Variants in DENND2A observed in about 807,000 individuals in gnomAD.
DENND2A encodes DENN domain containing 2A.
Under a neutral mutation model 105.3 loss-of-function variants are expected in DENND2A, and 53 were observed. That is an observed-to-expected ratio of 0.50 (90% CI 0.40 to 0.63). The LOEUF (loss-of-function observed/expected upper bound fraction) is 0.63, where lower values mean the gene tolerates loss of function less well. DENND2A is among the 30% of genes least tolerant of loss of function. The probability of loss-of-function intolerance (pLI) is 0.00; values close to 1 mark genes in which losing one functional copy is unlikely to be tolerated. For synonymous variants in DENND2A, 522 were observed against 508.4 expected, an observed-to-expected ratio of 1.03 and a Z score of -0.36; for missense variants, 1,138 against 1,279.6, an observed-to-expected ratio of 0.89 and a Z score of 1.69.
intron 3 of DENND2A, among the ~76,000 whole-genome samples, chr7:140,591,441 A>G (rs1464497739): frequency 6.6e-6 from 1 of 152,202 alleles, no homozygotes; most frequent in Non-Finnish European, 1.5e-5. Context: ...CCTATGCAGG[A>G]AGTCTGAAAG....
chr7:140,609,120 G>C (rs1449243011), intron 1 of DENND2A, among the ~76,000 whole-genome samples: 1 of 152,166 alleles, frequency 6.6e-6, no homozygotes, highest in Non-Finnish European at 1.5e-5. Context: ...TATTCCAAGA[G>C]AGATAATGGT....
At chr7:140,536,644 G>A (rs1042745951) in intron 14 of DENND2A, among the ~76,000 whole-genome samples, 5 of 152,106 alleles carry the variant, frequency 3.3e-5, no homozygotes, top group African/African-American at 1.2e-4. Flanking sequence ...CATTTAATCA[G>A]GCTGTACAAT....
At position 140,601,879 on chromosome 7, in the gene DENND2A, C is replaced by A; in HGVS notation, c.519G>T (p.Gly173=). 1 of 1,614,194 alleles carries A rather than the reference C, an allele frequency of 6.2e-7. No homozygotes were observed. Among genetic ancestry groups the A allele is most frequent in the Non-Finnish European group, 8.5e-7 (1 of 1,180,032 alleles). The change falls in exon 3 of 20, where the codon GGG becomes GGT. Residue 173 remains glycine, a synonymous_variant. Transcript: ENST00000496613. ...GTAACTGGGGATCCAGCCCTGCCGACCCATCCTTCAAAGCCTGCTCGAGTT... is the reference window on the plus strand; with the variant it reads ...GTAACTGGGGATCCAGCCCTGCCGAACCATCCTTCAAAGCCTGCTCGAGTT... ...VKKLEQALKD[G]SAGLDPQLPG...
At chr7:140,549,267 A>AT (rs368879127) in intron 12 of DENND2A, among the ~76,000 whole-genome samples, 2,553 of 147,948 alleles carry the variant, frequency 0.017, 53 homozygotes, top group African/African-American at 0.047. Flanking sequence ...CAAAATACAC[A>AT]TTTTTTTTTT....
At chr7:140,525,871 T>C (rs1218511408) in intron 15 of DENND2A, 79 bp from the exon 16 acceptor site, 14 of 1,278,546 alleles carry the variant, frequency 1.1e-5, no homozygotes, top group Admixed American at 2.6e-5. Flanking sequence ...TTCTTCCTTC[T>C]TGGCATGCAG....
At chr7:140,560,709 A>G (rs750452625) in intron 9 of DENND2A, among the ~76,000 whole-genome samples, 4 of 152,210 alleles carry the variant, frequency 2.6e-5, no homozygotes, top group Non-Finnish European at 5.9e-5. Context: ...AGGTGGGTGA[A>G]TCACCTGGGG....
intron 9 of DENND2A, among the ~76,000 whole-genome samples, chr7:140,566,750 G>A (rs746334284): frequency 2.0e-4 from 30 of 148,084 alleles, no homozygotes; most frequent in Non-Finnish European, 4.1e-4. Flanking sequence ...GCAGTGGCGT[G>A]ATCTTGGCTC....
At chr7:140,624,849 G>GTTTTGTTTTTTTTTT (rs1800450324) in intron 1 of DENND2A, among the ~76,000 whole-genome samples, 1 of 131,238 alleles carries the variant, frequency 7.6e-6, no homozygotes, top group African/African-American at 3.2e-5. Flanking sequence ...GTTTTTCTTT[G>GTTTTGTTTTTTTTTT]TTTTTTTTGT....
intron 4 of DENND2A, among the ~76,000 whole-genome samples, chr7:140,586,382 C>CAT (rs1461193868): frequency 6.9e-6 from 1 of 144,026 alleles, no homozygotes; most frequent in African/African-American, 2.9e-5. Context: ...CACACACACA[C>CAT]ACACACACAC....
intron 18 of DENND2A, 102 bp from the exon 19 acceptor site, chr7:140,519,820 G>T: frequency 9.7e-7 from 1 of 1,030,902 alleles, no homozygotes; most frequent in Non-Finnish European, 1.5e-6. Flanking sequence ...TTGTTTCTGA[G>T]ACTAAGCTGC....
intron 1 of DENND2A, among the ~76,000 whole-genome samples, chr7:140,638,902 T>G (rs1331932915): frequency 6.6e-6 from 1 of 152,214 alleles, no homozygotes; most frequent in East Asian, 1.9e-4. Flanking sequence ...TTTACTTTTT[T>G]GTTTGACTAC....
At chr7:140,610,510 G>A (rs984012599) in intron 1 of DENND2A, among the ~76,000 whole-genome samples, 1 of 151,970 alleles carries the variant, frequency 6.6e-6, no homozygotes, top group Non-Finnish European at 1.5e-5. Context: ...AATTGCTCCA[G>A]ACTGACATTG....
intron 1 of DENND2A, among the ~76,000 whole-genome samples, chr7:140,608,084 T>C (rs1015546956): frequency 6.6e-6 from 1 of 152,200 alleles, no homozygotes; most frequent in African/African-American, 2.4e-5. Flanking sequence ...TGCACAGAGA[T>C]GGATGTATGA....
intron 9 of DENND2A, among the ~76,000 whole-genome samples, chr7:140,561,663 C>G (rs1236106827): frequency 2.1e-5 from 3 of 145,458 alleles, no homozygotes; most frequent in Non-Finnish European, 4.5e-5. Flanking sequence ...ACCACCACAC[C>G]TAGCTATTTT....
chr7:140,571,527 G>A (rs568192324), intron 6 of DENND2A, among the ~76,000 whole-genome samples: 1 of 152,024 alleles, frequency 6.6e-6, no homozygotes, highest in South Asian at 2.1e-4. Context: ...TAGCTGGTTG[G>A]GTGTCTCTGG....
intron 1 of DENND2A, among the ~76,000 whole-genome samples, chr7:140,607,273 A>G (rs1799726602): frequency 6.6e-6 from 1 of 152,200 alleles, no homozygotes; most frequent in African/African-American, 2.4e-5. Context: ...AGACATGCAG[A>G]TAGCTCTTGG....
At chr7:140,573,187 T>C (rs771756906) in intron 6 of DENND2A, among the ~76,000 whole-genome samples, 1 of 152,162 alleles carries the variant, frequency 6.6e-6, no homozygotes, top group African/African-American at 2.4e-5. Flanking sequence ...TTAATCTGTT[T>C]TACGTCAGTT....
chr7:140,593,987 C>T (rs1052499442), intron 3 of DENND2A, among the ~76,000 whole-genome samples: 1 of 151,924 alleles, frequency 6.6e-6, no homozygotes, highest in Non-Finnish European at 1.5e-5. Flanking sequence ...CTTACTGCAA[C>T]CTCTGCCTCC....
rs533097041 is a variant in DENND2A at position 140,565,297 on chromosome 7, T to C, written c.1779+1789A>G. On this transcript the variant is annotated intron_variant, in intron 9 of 19. Transcript: ENST00000496613. Reference sequence around the variant, plus strand: ...GAGGCATGAGTCTGTCCAGAGACCATCAGATTCTACCTGGTGAATCTTTGC... The same window carrying C: ...GAGGCATGAGTCTGTCCAGAGACCACCAGATTCTACCTGGTGAATCTTTGC... Among the ~76,000 whole-genome samples the C allele has an allele frequency of 1.1e-3, 162 of 151,996 alleles. 3 individuals carry two copies. The highest frequency in any genetic ancestry group is 3.5e-3 in the African/African-American group (144 of 41,460).
Sources: gnomAD v4.1 joint callset for allele counts (sites outside exome capture counted in the v4.1 genomes callset) on GRCh38, gnomAD v4.1.1 for gene constraint, MANE v1.5 for transcripts, NCBI Gene and HGNC (gene_info 2026-07-23, HGNC 2026-07-21) for gene names.